ATF1: variants seen among roughly 807,000 people sequenced by gnomAD.
The protein encoded by ATF1 is activating transcription factor 1, also known as cyclic AMP-dependent transcription factor ATF-1.
In ATF1, 16 loss-of-function variants were observed where a neutral mutation model predicts 34.7. That is an observed-to-expected ratio of 0.46 (90% CI 0.31 to 0.70). The LOEUF (loss-of-function observed/expected upper bound fraction) is 0.70, where lower values mean the gene tolerates loss of function less well. Ranked by LOEUF, ATF1 falls within the 30% of genes least tolerant of loss-of-function variation. The pLI is 0.05. For missense variants in ATF1, 255 were observed against 321.6 expected (o/e 0.79, Z 1.58); for synonymous variants, 105 against 113.1 (o/e 0.93, Z 0.46).
intron 1 of ATF1, among the ~76,000 whole-genome samples, chr12:50,774,151 C>G (rs1940852648): frequency 6.6e-6 from 1 of 152,116 alleles, no homozygotes; most frequent in South Asian, 2.1e-4. Flanking sequence ...CCTGCCTCAG[C>G]CTCCCGAGTA....
intron 3 of ATF1, among the ~76,000 whole-genome samples, chr12:50,799,772 C>T (rs542089788): frequency 3.3e-5 from 5 of 152,202 alleles, no homozygotes; most frequent in African/African-American, 9.6e-5. Context: ...AGAGAAAAAA[C>T]GATCAACTTT....
At position 50,766,750 on chromosome 12, in the gene ATF1, G is replaced by C. The variant is rs147792362; in HGVS notation, c.-7+2443G>C. On this transcript the variant is annotated intron_variant, in intron 1 of 6. Transcript: ENST00000262053. Reference sequence around the variant, plus strand: ...GCGGCTGCCTGAGGTTTTCATTGTCGGCTGCAATGAGTGGGTCTTTTCTCT... The same window carrying C: ...GCGGCTGCCTGAGGTTTTCATTGTCCGCTGCAATGAGTGGGTCTTTTCTCT... Among the ~76,000 whole-genome samples, 22 of 150,664 alleles carry C rather than the reference G, an allele frequency of 1.5e-4. No homozygotes were observed. The East Asian group carries it at 4.1e-3, about 28-fold the overall frequency.
intron 4 of ATF1, among the ~76,000 whole-genome samples, chr12:50,813,126 A>AT (rs1335601522): frequency 6.6e-6 from 1 of 152,230 alleles, no homozygotes; most frequent in Non-Finnish European, 1.5e-5. Flanking sequence ...CCTTATGGGC[A>AT]TTTAAGGGCT....
chr12:50,778,535 T>G (rs1434796474), intron 1 of ATF1, among the ~76,000 whole-genome samples: 1 of 152,040 alleles, frequency 6.6e-6, no homozygotes, highest in Non-Finnish European at 1.5e-5. Flanking sequence ...ATTAACCATT[T>G]TTAAACATAC....
Position 50,818,643 on chromosome 12 carries a change from T to C in ATF1, c.672-992T>C, listed in dbSNP as rs183239454. Reference sequence around the variant, plus strand: ...TTCTTTTTCTGAGACAGAGTCTTGCTCTGTTGCCCAGGGTGGAGTGCAGTG... The same window carrying C: ...TTCTTTTTCTGAGACAGAGTCTTGCCCTGTTGCCCAGGGTGGAGTGCAGTG... On this transcript the variant is annotated intron_variant, in intron 6 of 6. Transcript: ENST00000262053. Among the ~76,000 whole-genome samples the C allele has an allele frequency of 1.7e-3, 252 of 152,324 alleles. 3 individuals are homozygous for C. The highest frequency in any genetic ancestry group is 5.8e-3 in the African/African-American group (241 of 41,588).
At chr12:50,804,218 C>T (rs915910368) in intron 3 of ATF1, among the ~76,000 whole-genome samples, 6 of 151,654 alleles carry the variant, frequency 4.0e-5, no homozygotes, top group African/African-American at 1.5e-4. Context: ...AGACATACCA[C>T]GAAAACACTA....
At chr12:50,794,918 CA>C (rs1396123971) in intron 2 of ATF1, among the ~76,000 whole-genome samples, 2 of 151,198 alleles carry the variant, frequency 1.3e-5, no homozygotes, top group African/African-American at 4.9e-5. Flanking sequence ...GACCCTGTCT[CA>C]AAAATAAAAA....
chr12:50,804,614 A>G (rs1363605847), intron 3 of ATF1, among the ~76,000 whole-genome samples: 1 of 152,182 alleles, frequency 6.6e-6, no homozygotes, highest in African/African-American at 2.4e-5. Flanking sequence ...TTGAGCCACT[A>G]CACTCTAGTG....
chr12:50,785,280 TACATACACACACACACACACACACAC>T (rs1298800467), intron 2 of ATF1, among the ~76,000 whole-genome samples: 7 of 86,158 alleles, frequency 8.1e-5, no homozygotes, highest in Non-Finnish European at 1.6e-4. Context: ...ATTATATATA[TACATACACACACACACACACACACAC>T]ACACACACAC....
intron 2 of ATF1, among the ~76,000 whole-genome samples, chr12:50,786,935 A>T (rs1941196983): frequency 6.6e-6 from 1 of 152,200 alleles, no homozygotes; most frequent in Admixed American, 6.5e-5. Context: ...AGTGTGTGGC[A>T]AGAACAATGA....
At chr12:50,788,067 G>C (rs1284193229) in intron 2 of ATF1, 2 of 386,270 alleles carry the variant, frequency 5.2e-6, no homozygotes. Flanking sequence ...CAGTGAGGTA[G>C]GAGGAAAATC....
chr12:50,772,383 A>G (rs1367579986), intron 1 of ATF1, among the ~76,000 whole-genome samples: 2 of 144,060 alleles, frequency 1.4e-5, no homozygotes, highest in Non-Finnish European at 3.0e-5. Context: ...CTGGAGTGCA[A>G]TGGCATGGTC....
chr12:50,799,071 A>C (rs1000942371), intron 3 of ATF1, among the ~76,000 whole-genome samples: 1 of 152,212 alleles, frequency 6.6e-6, no homozygotes, highest in Non-Finnish European at 1.5e-5. Flanking sequence ...GCCTGGACAC[A>C]ACCAGATTGA....
At position 50,820,467 on chromosome 12, in the gene ATF1, G is replaced by C. The variant is rs1941928457; in HGVS notation, c.*688G>C. The C allele has an allele frequency of 5.5e-6, 1 of 182,742 alleles. No individual in the cohort carries two copies. Among genetic ancestry groups the C allele is most frequent in the East Asian group, 8.9e-5 (1 of 11,206 alleles). 11.3% of individuals were successfully genotyped at this position (182,742 alleles called of 1,614,324 possible). A position where few individuals can be genotyped will look rare whatever the true frequency, so the allele number is the denominator to read the frequency against. On this transcript the variant is annotated 3_prime_UTR_variant, in exon 7 of 7. Coordinates refer to ENST00000262053, the MANE Select transcript of ATF1 (RefSeq NM_005171.5). Reference sequence around the variant, plus strand: ...TGGAAAAAGAACTGTTTAAAAGTTTGATACTTTTAAATAGTTGGTTTTTTT... The same window carrying C: ...TGGAAAAAGAACTGTTTAAAAGTTTCATACTTTTAAATAGTTGGTTTTTTT...
rs369287914 is a variant in ATF1, at chr12:50,813,366, CTTA to C, written c.329-641_329-639del. 8.7e-3 allele frequency among the ~76,000 whole-genome samples: 1,325 copies of C among 152,204 alleles called. 23 individuals are homozygous for C. The highest frequency in any genetic ancestry group is 0.03 in the African/African-American group (1,254 of 41,520). On this transcript the variant is annotated intron_variant, in intron 4 of 6. Transcript: ENST00000262053. ...AAGCTAAGAAACCATATAAAGATGACTTATTTTCTCATTATATAACCTTTTATT... is the reference window on the plus strand; with the variant it reads ...AAGCTAAGAAACCATATAAAGATGACTTTTCTCATTATATAACCTTTTATT...
chr12:50,770,046 A>T (rs1009933451), intron 1 of ATF1, among the ~76,000 whole-genome samples: 4 of 152,206 alleles, frequency 2.6e-5, no homozygotes, highest in Admixed American at 1.3e-4. Context: ...GAAACTTTTC[A>T]TTTGAGCTAT....
At chr12:50,802,740 C>T (rs1429553502) in intron 3 of ATF1, among the ~76,000 whole-genome samples, 1 of 150,818 alleles carries the variant, frequency 6.6e-6, no homozygotes, top group Non-Finnish European at 1.5e-5. Flanking sequence ...GGTGTGGTGG[C>T]CCGCACCTGT....
At chr12:50,779,145 A>T (rs774292351) in intron 1 of ATF1, among the ~76,000 whole-genome samples, 10 of 152,110 alleles carry the variant, frequency 6.6e-5, no homozygotes, top group African/African-American at 9.7e-5. Flanking sequence ...TCACTATTTT[A>T]TTTATCAATT....
At chr12:50,766,802 C>T (rs1229701184) in intron 1 of ATF1, among the ~76,000 whole-genome samples, 3 of 152,126 alleles carry the variant, frequency 2.0e-5, no homozygotes, top group Non-Finnish European at 4.4e-5. Context: ...TCAGCTTCCC[C>T]ACCCTGCCAC....
Sources: gnomAD v4.1 joint callset for allele counts (sites outside exome capture counted in the v4.1 genomes callset) on GRCh38, gnomAD v4.1.1 for gene constraint, MANE v1.5 for transcripts, NCBI Gene and HGNC (gene_info 2026-07-23, HGNC 2026-07-21) for gene names.